Variants in ABCC1 observed in about 807,000 individuals in gnomAD.
ABCC1 encodes ATP binding cassette subfamily C member 1 (ABCC1 blood group).
In ABCC1, 83 loss-of-function variants were observed where a neutral mutation model predicts 172.9. The ratio of observed to expected loss-of-function variants is 0.48; its 90% CI spans 0.40 to 0.58. ABCC1 has a LOEUF of 0.58. ABCC1 is among the 20% of genes least tolerant of loss of function. The pLI is 0.00. For synonymous variants in ABCC1, 937 were observed against 825.2 expected, an observed-to-expected ratio of 1.14 and a Z score of -2.32; for missense variants, 1,817 against 2,002.7, an observed-to-expected ratio of 0.91 and a Z score of 1.77.
At chr16:16,017,554 A>G (rs2048046148) in intron 5 of ABCC1, among the ~76,000 whole-genome samples, 1 of 151,932 alleles carries the variant, frequency 6.6e-6, no homozygotes, top group African/African-American at 2.4e-5. Flanking sequence ...ATTCCTCCTG[A>G]TGTTCTCCCT....
chr16:15,974,488 G>A (rs758097508), intron 1 of ABCC1, among the ~76,000 whole-genome samples: 3 of 152,090 alleles, frequency 2.0e-5, no homozygotes, highest in Non-Finnish European at 4.4e-5. Context: ...AAGAAGTAAG[G>A]GAATTTTTTA....
chr16:16,042,104 G>A (rs1026699135), intron 7 of ABCC1, among the ~76,000 whole-genome samples: 2 of 151,772 alleles, frequency 1.3e-5, no homozygotes, highest in African/African-American at 4.8e-5. Flanking sequence ...AGAGCTTAGG[G>A]CCATTTTGGA....
chr16:16,066,195 T>G (rs1175821951), intron 12 of ABCC1, among the ~76,000 whole-genome samples: 1 of 152,082 alleles, frequency 6.6e-6, no homozygotes, highest in African/African-American at 2.4e-5. Flanking sequence ...GTTTTCTTTT[T>G]TTTTGAGACG....
intron 23 of ABCC1, among the ~76,000 whole-genome samples, chr16:16,121,121 C>T (rs1027336812): frequency 7.2e-5 from 11 of 152,192 alleles, no homozygotes; most frequent in Non-Finnish European, 1.6e-4. Context: ...CACGCAAATA[C>T]ACATCACATG....
chr16:16,136,108 C>G (rs546096887), intron 28 of ABCC1, among the ~76,000 whole-genome samples: 1 of 151,692 alleles, frequency 6.6e-6, no homozygotes, highest in South Asian at 2.1e-4. Context: ...ACTGCAACTT[C>G]CGTCTCCCGG....
intron 14 of ABCC1, among the ~76,000 whole-genome samples, chr16:16,074,893 A>T (rs1209917571): frequency 6.6e-6 from 1 of 151,452 alleles, no homozygotes; most frequent in African/African-American, 2.4e-5. Context: ...TTATCTCCAG[A>T]TGGTCTTAAG....
At chr16:16,103,355 G>A (rs1051279284) in intron 20 of ABCC1, among the ~76,000 whole-genome samples, 8 of 152,116 alleles carry the variant, frequency 5.3e-5, no homozygotes, top group South Asian at 2.1e-4. Context: ...TGAGGCGGGC[G>A]GATCACCTGA....
chr16:15,969,563 G>T (rs1345531394), intron 1 of ABCC1, among the ~76,000 whole-genome samples: 1 of 150,956 alleles, frequency 6.6e-6, no homozygotes, highest in South Asian at 2.1e-4. Flanking sequence ...AGTAGAGACG[G>T]GTTTTGCCAT....
At chr16:16,038,475 A>G (rs171583) in intron 7 of ABCC1, among the ~76,000 whole-genome samples, 51,629 of 151,992 alleles carry the variant, frequency 0.34, 9,044 homozygotes, top group East Asian at 0.44. Flanking sequence ...TCCTGGCTGC[A>G]GAAGAGAGAG....
rs45616734 is a variant in ABCC1 at position 16,131,948 on chromosome 16, C to G, written c.3966+13C>G. On this transcript the variant is annotated intron_variant, in intron 27 of 30. Coordinates refer to ENST00000399410, the MANE Select transcript of ABCC1 (RefSeq NM_004996.4). ...TGGGGGAGAAAAGGTGGGTACACATCGCCCCATTCCCTCACCCATTCCCAG... is the reference window on the plus strand; with the variant it reads ...TGGGGGAGAAAAGGTGGGTACACATGGCCCCATTCCCTCACCCATTCCCAG... The G allele has an allele frequency of 5.6e-6, 9 of 1,610,470 alleles. No individual in the cohort carries two copies. Among genetic ancestry groups the G allele is most frequent in the Non-Finnish European group, 6.8e-6 (8 of 1,177,784 alleles).
At chr16:16,026,388 C>T (rs1019710204) in intron 5 of ABCC1, among the ~76,000 whole-genome samples, 7 of 137,626 alleles carry the variant, frequency 5.1e-5, no homozygotes, top group East Asian at 2.2e-4. Context: ...GAGCTGAGAA[C>T]GCACCATTGC....
At chr16:16,005,108 G>T (rs1364626587) in intron 1 of ABCC1, among the ~76,000 whole-genome samples, 2 of 148,450 alleles carry the variant, frequency 1.3e-5, no homozygotes, top group Middle Eastern at 3.2e-3. Context: ...GCTCTGTGGA[G>T]CTGTAAGGGT....
intron 23 of ABCC1, among the ~76,000 whole-genome samples, chr16:16,118,999 A>C (rs1016844295): frequency 6.6e-6 from 1 of 152,200 alleles, no homozygotes; most frequent in Non-Finnish European, 1.5e-5. Context: ...GACCGTGGAG[A>C]AATAAATTGT....
At chr16:15,958,259 C>T (rs1218229058) in intron 1 of ABCC1, among the ~76,000 whole-genome samples, 1 of 152,162 alleles carries the variant, frequency 6.6e-6, no homozygotes, top group East Asian at 1.9e-4. Flanking sequence ...GCCCGCACCA[C>T]CACACTCGGC....
chr16:15,984,400 C>A (rs537414290), intron 1 of ABCC1, among the ~76,000 whole-genome samples: 2 of 150,572 alleles, frequency 1.3e-5, no homozygotes, highest in South Asian at 4.2e-4. Context: ...CTAAAAGAGG[C>A]AATTGCATTT....
At chr16:16,118,985 A>AC (rs1420389636) in intron 23 of ABCC1, among the ~76,000 whole-genome samples, 3 of 152,192 alleles carry the variant, frequency 2.0e-5, no homozygotes, top group Admixed American at 6.5e-5. Context: ...ATGTCCATTA[A>AC]CAGGACCGTG....
intron 5 of ABCC1, among the ~76,000 whole-genome samples, chr16:16,032,409 A>G (rs1225098586): frequency 6.6e-6 from 1 of 152,238 alleles, no homozygotes; most frequent in Non-Finnish European, 1.5e-5. Context: ...CTTGGCAGGT[A>G]TTACTGATGA....
chr16:16,088,584 A>T (rs1230702328), intron 18 of ABCC1, among the ~76,000 whole-genome samples: 2 of 152,230 alleles, frequency 1.3e-5, no homozygotes, highest in South Asian at 2.1e-4. Context: ...GCTAAGAATG[A>T]TGTGTGTATT....
intron 6 of ABCC1, among the ~76,000 whole-genome samples, chr16:16,034,573 A>G (rs1442891704): frequency 7.6e-6 from 1 of 132,168 alleles, no homozygotes; most frequent in African/African-American, 2.9e-5. Context: ...TAGAGGCTGT[A>G]TGTTAACTTT....
Sources: gnomAD v4.1 joint callset for allele counts (sites outside exome capture counted in the v4.1 genomes callset) on GRCh38, gnomAD v4.1.1 for gene constraint, MANE v1.5 for transcripts, NCBI Gene and HGNC (gene_info 2026-07-23, HGNC 2026-07-21) for gene names.